The following RBFOX1 variants were observed in gnomAD, a reference collection of about 807,000 sequenced individuals.
RBFOX1 encodes the protein RNA binding fox-1 homolog 1.
A neutral mutation model predicts 57.7 loss-of-function variants in RBFOX1; 8 were observed. The observed-to-expected ratio is 0.14, with a 90% CI of 0.08 to 0.25. The LOEUF (loss-of-function observed/expected upper bound fraction) is 0.25. Among genes scored for constraint, RBFOX1 ranks in the 10% least tolerant of loss-of-function variants. The pLI is 1.00. For missense variants in RBFOX1, 611 were observed against 548.5 expected (o/e 1.11, Z -1.14); for synonymous variants, 326 against 222.4 (o/e 1.47, Z -4.15).
chr16:6,521,234 G>A (rs940067585), intron 2 of RBFOX1, among the ~76,000 whole-genome samples: 37 of 152,108 alleles, frequency 2.4e-4, no homozygotes, highest in African/African-American at 8.7e-4. Flanking sequence ...GGAAGCCTAG[G>A]CTGTGCTACT....
intron 4 of RBFOX1, among the ~76,000 whole-genome samples, chr16:6,003,503 C>G (rs1041391434): frequency 2.7e-5 from 4 of 150,598 alleles, no homozygotes; most frequent in Admixed American, 1.3e-4. Context: ...TGTTTGAGAC[C>G]TAGGCACAAG....
chr16:7,700,844 G>C (rs902306642), intron 14 of RBFOX1, among the ~76,000 whole-genome samples: 1 of 152,152 alleles, frequency 6.6e-6, no homozygotes, highest in Non-Finnish European at 1.5e-5. Context: ...ATAGGAAGAG[G>C]TTTTGAATGG....
intron 5 of RBFOX1, 23 bp downstream of exon 5, chr16:7,518,412 G>A (rs2076829276): frequency 2.5e-6 from 4 of 1,593,332 alleles, no homozygotes; most frequent in African/African-American, 2.7e-5. Flanking sequence ...GTTTGCTACG[G>A]GTGGGAGGTT....
At chr16:6,989,979 T>A (rs2091143240) in intron 3 of RBFOX1, among the ~76,000 whole-genome samples, 1 of 151,980 alleles carries the variant, frequency 6.6e-6, no homozygotes, top group Non-Finnish European at 1.5e-5. Flanking sequence ...CCAGCCTGGG[T>A]GACAAGAGCG....
Position 5,852,532 on chromosome 16 carries a change from G to A in RBFOX1, c.319-14771G>A, listed in dbSNP as rs530032245. ...GACTGCAGGCTGGCTCCGGATGGAG[G>A]TCAATGCATAACTGTTGTGGCACCT... is the stretch of plus-strand genomic sequence containing the variant. On this transcript the variant is annotated intron_variant, in intron 3 of 19. Transcript: ENST00000641259. Among the ~76,000 whole-genome samples, 3 of 152,332 alleles carry A rather than the reference G, an allele frequency of 2.0e-5. No homozygotes were observed. The South Asian group carries it at 6.2e-4, about 32-fold the overall frequency.
chr16:6,556,228 C>G (rs973963388), intron 2 of RBFOX1, among the ~76,000 whole-genome samples: 1 of 152,214 alleles, frequency 6.6e-6, no homozygotes, highest in Non-Finnish European at 1.5e-5. Context: ...CAACGTCTCT[C>G]TATCTACTTA....
At chr16:6,938,595 T>C (rs2077770348) in intron 3 of RBFOX1, among the ~76,000 whole-genome samples, 1 of 152,064 alleles carries the variant, frequency 6.6e-6, no homozygotes. Flanking sequence ...TTCCTCTGGC[T>C]ATGTGTGGTG....
In RBFOX1 at chr16:7,292,190, T is replaced by C. The variant is rs1304243493; in HGVS notation, c.28-225957T>C. 6.9e-4 allele frequency among the ~76,000 whole-genome samples: 85 copies of C among 123,026 alleles called. No homozygotes were observed. In the East Asian group the frequency reaches 0.017, roughly 24 times the overall value. 80.7% of individuals were successfully genotyped at this position (123,026 alleles called of 152,430 possible). ...TATATATCATATATCATATATGATA[T>C]AGAACGTATTATATATCATATATAT... On this transcript the variant is annotated intron_variant, in intron 4 of 15. Coordinates refer to ENST00000550418, the MANE Select transcript of RBFOX1 (RefSeq NM_018723.4).
rs1555515009 is a variant in RBFOX1, at chr16:5,425,105, C to CTATCTATCTATCTATCTATT, written c.220-42094_220-42093insATTTATCTATCTATCTATCT. On this transcript the variant is annotated intron_variant, in intron 1 of 2. Coordinates refer to the RBFOX1 transcript ENST00000585867. The stretch of plus-strand genomic sequence containing the variant: ...TCTATCTATCTATCTATCTATCTAT[C>CTATCTATCTATCTATCTATT]TATCTATCTATCTATCTTGAGACAG... 5.1e-3 allele frequency among the ~76,000 whole-genome samples: 677 copies of CTATCTATCTATCTATCTATT among 131,548 alleles called. 23 individuals are homozygous for CTATCTATCTATCTATCTATT. Among genetic ancestry groups the CTATCTATCTATCTATCTATT allele is most frequent in the East Asian group, 0.011 (48 of 4,436 alleles). The allele number at this position is 131,548 out of a possible 152,430, so 86.3% of individuals were successfully genotyped here.
chr16:5,766,319 G>T (rs777183619), intron 3 of RBFOX1, among the ~76,000 whole-genome samples: 3 of 152,266 alleles, frequency 2.0e-5, no homozygotes, highest in Admixed American at 6.5e-5. Flanking sequence ...GGGCACGGTG[G>T]CTCACGCCTG....
intron 4 of RBFOX1, among the ~76,000 whole-genome samples, chr16:7,433,249 C>G (rs1433604472): frequency 6.6e-6 from 1 of 152,148 alleles, no homozygotes; most frequent in Non-Finnish European, 1.5e-5. Context: ...AGTAAAAACA[C>G]ATAGTGGGCA....
intron 3 of RBFOX1, among the ~76,000 whole-genome samples, chr16:6,892,217 C>G (rs150001170): frequency 1.3e-5 from 2 of 152,130 alleles, no homozygotes; most frequent in African/African-American, 2.4e-5. Context: ...AGCAGAACTT[C>G]CCCAGAGCTC....
chr16:7,543,733 T>C (rs564317645), intron 5 of RBFOX1, among the ~76,000 whole-genome samples: 39 of 151,772 alleles, frequency 2.6e-4, no homozygotes, highest in African/African-American at 9.0e-4. Flanking sequence ...ATTTTTTATA[T>C]ATTTATTTTT....
At chr16:6,870,481 G>C (rs1382238807) in intron 3 of RBFOX1, among the ~76,000 whole-genome samples, 1 of 152,146 alleles carries the variant, frequency 6.6e-6, no homozygotes, top group African/African-American at 2.4e-5. Context: ...TTCACAACAA[G>C]GATTTAAGAG....
At chr16:5,882,869 C>T (rs2057797595) in intron 4 of RBFOX1, among the ~76,000 whole-genome samples, 1 of 152,206 alleles carries the variant, frequency 6.6e-6, no homozygotes, top group African/African-American at 2.4e-5. Flanking sequence ...AAATGAAACA[C>T]TGTCAAAGAG....
At chr16:6,831,838 C>G (rs1567458984) in intron 3 of RBFOX1, among the ~76,000 whole-genome samples, 1 of 152,066 alleles carries the variant, frequency 6.6e-6, no homozygotes, top group African/African-American at 2.4e-5. Context: ...ATGATTATCT[C>G]CAGCTGTGAA....
intron 5 of RBFOX1, among the ~76,000 whole-genome samples, chr16:7,550,387 T>A (rs2085972791): frequency 6.6e-6 from 1 of 152,156 alleles, no homozygotes; most frequent in African/African-American, 2.4e-5. Context: ...GCTGTGACGA[T>A]GCCCAGAGGG....
At chr16:6,287,122 A>T (rs966252066) in intron 1 of RBFOX1, among the ~76,000 whole-genome samples, 6 of 152,130 alleles carry the variant, frequency 3.9e-5, no homozygotes, top group Non-Finnish European at 8.8e-5. Context: ...ACCCAAGGGT[A>T]TTCAGAGTCA....
chr16:6,392,848 C>T (rs777877123), intron 2 of RBFOX1, among the ~76,000 whole-genome samples: 12 of 152,188 alleles, frequency 7.9e-5, no homozygotes, highest in Non-Finnish European at 1.2e-4. Flanking sequence ...ATATGCACAA[C>T]TGAAGTTCCA....
Sources: gnomAD v4.1 joint callset for allele counts (sites outside exome capture counted in the v4.1 genomes callset) on GRCh38, gnomAD v4.1.1 for gene constraint, MANE v1.5 for transcripts, NCBI Gene and HGNC (gene_info 2026-07-23, HGNC 2026-07-21) for gene names.